Variants in PPA2 observed in about 807,000 individuals in gnomAD.
PPA2 encodes the protein inorganic pyrophosphatase 2, mitochondrial.
A neutral mutation model predicts 49.5 loss-of-function variants in PPA2; 48 were observed. That is an observed-to-expected ratio of 0.97 (90% CI 0.77 to 1.23). PPA2 has a LOEUF of 1.23. PPA2 is among the 50% of genes most tolerant of loss of function. PPA2 has a pLI of 0.00. For synonymous variants in PPA2, 131 were observed against 139.9 expected (o/e 0.94, Z 0.45); for missense variants, 429 against 410.1 (o/e 1.05, Z -0.40).
intron 10 of PPA2, among the ~76,000 whole-genome samples, chr4:105,373,446 C>T (rs1363906161): frequency 6.8e-6 from 1 of 147,950 alleles, no homozygotes; most frequent in Non-Finnish European, 1.5e-5. Flanking sequence ...AATTTAAGGA[C>T]AGTATAACAA....
At chr4:105,412,399 G>A (rs779384466) in intron 7 of PPA2, among the ~76,000 whole-genome samples, 3 of 152,024 alleles carry the variant, frequency 2.0e-5, no homozygotes, top group Admixed American at 6.6e-5. Context: ...GAAAACCTAG[G>A]CAATACCATT....
chr4:105,473,647 C>G (rs769382475), intron 1 of PPA2: 9 of 743,534 alleles, frequency 1.2e-5, no homozygotes, highest in South Asian at 9.6e-5. Context: ...CTATCTACCC[C>G]CCAGCCGGCA....
intron 7 of PPA2, chr4:105,405,318 TG>T (rs1722412284): frequency 1.3e-6 from 1 of 759,246 alleles, no homozygotes; most frequent in African/African-American, 1.9e-5. Flanking sequence ...AATAACTTTT[TG>T]CTATACACAT....
chr4:105,453,658 T>A lies in PPA2; in HGVS notation c.223-16A>T, dbSNP rs1459409511. On this transcript the variant is annotated splice_polypyrimidine_tract_variant and intron_variant, in intron 2 of 11. Coordinates refer to ENST00000341695, the MANE Select transcript of PPA2 (RefSeq NM_176869.3). ...TGCCATTTTCCTATAAAAGAAAAGA[T>A]GGTGAAAGACTGCAATATTTCATGA... 2 of 1,599,162 alleles carry A rather than the reference T, an allele frequency of 1.3e-6. No homozygotes were observed. Among genetic ancestry groups the A allele is most frequent in the African/African-American group, 2.7e-5 (2 of 74,350 alleles).
At position 105,414,167 on chromosome 4, in the gene PPA2, G is replaced by A. The variant is rs1421806475; in HGVS notation, c.655+10029C>T. 3.9e-5 allele frequency among the ~76,000 whole-genome samples: 6 copies of A among 152,142 alleles called. No homozygotes were observed. The East Asian group carries it at 5.8e-4, about 15-fold the overall frequency. ...ATAATCATCTTTTATGTATCAGATT[G>A]GCAAAAAAATAATAAACTATTATTT... On this transcript the variant is annotated intron_variant, in intron 7 of 11. Transcript: ENST00000341695.
rs565376390 is a variant in PPA2 at position 105,456,451 on chromosome 4, T to C, written c.222+230A>G. The C allele has an allele frequency of 2.8e-5, 14 of 494,572 alleles. 1 individual carries two copies. The Admixed American group carries it at 4.9e-4, about 17-fold the overall frequency. The allele number at this position is 494,572 out of a possible 1,614,324, so 30.6% of individuals were successfully genotyped here. A position where few individuals can be genotyped will look rare whatever the true frequency, so the allele number is the denominator to read the frequency against. ...CCTTAAATCTTTATTTCCTACCGAATTCTAAGTTTTATGTACCAGTAACAC... is the reference window on the plus strand; with the variant it reads ...CCTTAAATCTTTATTTCCTACCGAACTCTAAGTTTTATGTACCAGTAACAC... On this transcript the variant is annotated intron_variant, in intron 2 of 11. Transcript: ENST00000341695.
intron 9 of PPA2, among the ~76,000 whole-genome samples, chr4:105,392,122 G>A (rs548841155): frequency 5.3e-5 from 8 of 152,084 alleles, no homozygotes; most frequent in Non-Finnish European, 1.2e-4. Flanking sequence ...GAGGACTGAA[G>A]AGTAAACTCA....
chr4:105,473,410 A>G, intron 1 of PPA2: 1 of 371,560 alleles, frequency 2.7e-6, no homozygotes, highest in South Asian at 2.0e-5. Context: ...TGGATTAGGC[A>G]TCCGCAAAGT....
rs189333626 is a variant in PPA2 at position 105,400,074 on chromosome 4, T to G, written c.656-910A>C. On this transcript the variant is annotated intron_variant, in intron 7 of 11. Transcript: ENST00000341695. ...GGCAGTGCTTGTGTTCAGTTAACCT[T>G]TATTTTGCTTCAGAATGGCCACAAA... 1.2e-4 allele frequency among the ~76,000 whole-genome samples: 18 copies of G among 152,258 alleles called. No individual in the cohort carries two copies. In the South Asian group the frequency reaches 3.1e-3, roughly 26 times the overall value.
intron 7 of PPA2, among the ~76,000 whole-genome samples, chr4:105,416,337 CCTAT>C (rs1040813126): frequency 2.1e-4 from 32 of 152,166 alleles, no homozygotes; most frequent in African/African-American, 7.0e-4. Flanking sequence ...AAAGTAATAC[CCTAT>C]CTCTTTGCCC....
intron 10 of PPA2, 97 bp downstream of exon 10, chr4:105,386,470 G>T: frequency 9.3e-7 from 1 of 1,075,538 alleles, no homozygotes; most frequent in Non-Finnish European, 1.4e-6. Context: ...TTCTCAAAAG[G>T]ACTTGACACA....
At chr4:105,380,019 C>T (rs1013167206) in intron 10 of PPA2, among the ~76,000 whole-genome samples, 8 of 152,172 alleles carry the variant, frequency 5.3e-5, no homozygotes, top group African/African-American at 1.7e-4. Flanking sequence ...ATTTGTTGAA[C>T]TTGCTATGGA....
chr4:105,374,858 C>CTTTTTTTT (rs377243001), intron 10 of PPA2, among the ~76,000 whole-genome samples: 1 of 131,832 alleles, frequency 7.6e-6, no homozygotes, highest in Non-Finnish European at 1.6e-5. Context: ...TTTCTTTTTT[C>CTTTTTTTT]TTTTTTTTTT....
At position 105,440,867 on chromosome 4, in the gene PPA2, ACT is replaced by A. The variant is rs534802981; in HGVS notation, c.442-2833_442-2832del. ...AAGTACCCAAGTAGAAAATTCTTAA[ACT>A]CTACAATATTGTTATGTTTAGGGCC... On this transcript the variant is annotated intron_variant, in intron 5 of 11. Coordinates refer to ENST00000341695, the MANE Select transcript of PPA2 (RefSeq NM_176869.3). Among the ~76,000 whole-genome samples the A allele has an allele frequency of 3.0e-4, 46 of 151,972 alleles. 1 individual carries two copies. In the South Asian group the frequency reaches 9.2e-3, roughly 30 times the overall value.
At chr4:105,375,246 G>A (rs969940342) in intron 10 of PPA2, among the ~76,000 whole-genome samples, 4 of 151,902 alleles carry the variant, frequency 2.6e-5, no homozygotes, top group Non-Finnish European at 4.4e-5. Flanking sequence ...CACTAACTTT[G>A]TCTACCATCC....
chr4:105,433,318 G>C (rs1387096715), intron 6 of PPA2, among the ~76,000 whole-genome samples: 1 of 152,118 alleles, frequency 6.6e-6, no homozygotes, highest in African/African-American at 2.4e-5. Context: ...CCAAACCTCT[G>C]ATTTCTTAAC....
chr4:105,401,905 C>T (rs1388199631), intron 7 of PPA2, among the ~76,000 whole-genome samples: 2 of 152,112 alleles, frequency 1.3e-5, no homozygotes, highest in African/African-American at 4.8e-5. Context: ...ACTTCTATTT[C>T]CATCAGTTAA....
rs1179350208 is a variant in PPA2, at chr4:105,438,037, CT to C, written c.442-2del. On this transcript the variant is annotated splice_acceptor_variant, in intron 5 of 11. Transcript: ENST00000341695. LOFTEE classifies it high-confidence loss of function. ...CTTTTTCATGGGGATCTTCCCAAGT[CT>C]AAAATTTTTTTTTTAAAAAAAAGCA... The C allele has an allele frequency of 6.3e-7, 1 of 1,594,574 alleles. No homozygotes were observed. Among genetic ancestry groups the C allele is most frequent in the Non-Finnish European group, 8.5e-7 (1 of 1,174,250 alleles).
chr4:105,405,108 T>C, intron 7 of PPA2: 1 of 521,338 alleles, frequency 1.9e-6, no homozygotes, highest in Non-Finnish European at 2.5e-6. Context: ...AATAAATAAA[T>C]AAATACACAA....
Sources: gnomAD v4.1 joint callset for allele counts (sites outside exome capture counted in the v4.1 genomes callset) on GRCh38, gnomAD v4.1.1 for gene constraint, MANE v1.5 for transcripts, NCBI Gene and HGNC (gene_info 2026-07-23, HGNC 2026-07-21) for gene names.